The following GALNT13 variants were observed in gnomAD, a reference collection of about 807,000 sequenced individuals.
The protein encoded by GALNT13 is polypeptide N-acetylgalactosaminyltransferase 13, also known as UDP-GalNAc:polypeptide N-acetylgalactosaminyltransferase 13.
A neutral mutation model predicts 64.2 loss-of-function variants in GALNT13; 28 were observed. The ratio of observed to expected loss-of-function variants is 0.44; its 90% CI spans 0.32 to 0.60. The LOEUF (loss-of-function observed/expected upper bound fraction) is 0.60. Ranked by LOEUF, GALNT13 falls within the 20% of genes least tolerant of loss-of-function variation. The pLI is 0.05. For synonymous variants in GALNT13, 214 were observed against 224.6 expected, an observed-to-expected ratio of 0.95 and a Z score of 0.42; for missense variants, 577 against 669.8, an observed-to-expected ratio of 0.86 and a Z score of 1.53.
intron 12 of GALNT13, chr2:154,445,948 G>T: frequency 1.9e-6 from 1 of 528,612 alleles, no homozygotes; most frequent in Non-Finnish European, 3.3e-6. Flanking sequence ...AAAATTGTTT[G>T]GAGAATTAGA....
At chr2:153,566,103 A>C in the GALNT13 span, among the ~76,000 whole-genome samples, 1 of 152,152 alleles carries the variant, frequency 6.6e-6, no homozygotes, top group Non-Finnish European at 1.5e-5. Context: ...GAAACAACTT[A>C]GAAGGCATGA....
chr2:154,322,395 C>T (rs539648230), intron 9 of GALNT13, among the ~76,000 whole-genome samples: 1 of 152,050 alleles, frequency 6.6e-6, no homozygotes, highest in Admixed American at 6.6e-5. Context: ...GCATCTTCCT[C>T]TGACTCTGGC....
chr2:153,822,144 C>T, the GALNT13 span, among the ~76,000 whole-genome samples: 1 of 152,154 alleles, frequency 6.6e-6, no homozygotes, highest in African/African-American at 2.4e-5. Flanking sequence ...CAGCCAAATT[C>T]TATCAGACAT....
chr2:153,389,929 T>C, the GALNT13 span, among the ~76,000 whole-genome samples: 7 of 152,050 alleles, frequency 4.6e-5, no homozygotes, highest in Non-Finnish European at 1.0e-4. Context: ...TTAAGAATAA[T>C]AGTGTTTATG....
the GALNT13 span, among the ~76,000 whole-genome samples, chr2:153,698,435 T>A: frequency 6.6e-6 from 1 of 151,668 alleles, no homozygotes; most frequent in Non-Finnish European, 1.5e-5. Flanking sequence ...AAAAAAGGCG[T>A]CACAATCCTA....
intron 3 of GALNT13, among the ~76,000 whole-genome samples, chr2:153,960,718 T>G (rs1692884022): frequency 6.6e-6 from 1 of 152,194 alleles, no homozygotes; most frequent in Non-Finnish European, 1.5e-5. Context: ...CTGGCCTTTT[T>G]AAGCTGGTCT....
chr2:153,206,151 A>G, the GALNT13 span, among the ~76,000 whole-genome samples: 1 of 152,110 alleles, frequency 6.6e-6, no homozygotes, highest in Non-Finnish European at 1.5e-5. Context: ...TGGTACTATA[A>G]TAAGGAACTA....
chr2:153,359,372 G>C, the GALNT13 span, among the ~76,000 whole-genome samples: 2 of 152,026 alleles, frequency 1.3e-5, no homozygotes, highest in African/African-American at 4.8e-5. Flanking sequence ...TTTTGTCAAA[G>C]TGATTTATAT....
At chr2:153,612,080 C>T in the GALNT13 span, among the ~76,000 whole-genome samples, 1 of 152,092 alleles carries the variant, frequency 6.6e-6, no homozygotes, top group African/African-American at 2.4e-5. Context: ...TGTATATGTG[C>T]CACATTTTCT....
At chr2:154,288,570 G>T (rs533812253) in intron 8 of GALNT13, among the ~76,000 whole-genome samples, 1 of 152,126 alleles carries the variant, frequency 6.6e-6, no homozygotes, top group Admixed American at 6.5e-5. Context: ...AATACAATGG[G>T]GGTACAGTCA....
the GALNT13 span, among the ~76,000 whole-genome samples, chr2:153,767,156 A>T: frequency 6.6e-6 from 1 of 152,086 alleles, no homozygotes; most frequent in Non-Finnish European, 1.5e-5. Flanking sequence ...CTATCTATCC[A>T]TGTATACCCA....
At chr2:153,270,498 A>G in the GALNT13 span, among the ~76,000 whole-genome samples, 6 of 152,146 alleles carry the variant, frequency 3.9e-5, no homozygotes, top group East Asian at 1.9e-4. Context: ...CGCACCTCCT[A>G]TATGTAGTGT....
chr2:153,980,532 A>G (rs1264218707), intron 3 of GALNT13, among the ~76,000 whole-genome samples: 1 of 152,080 alleles, frequency 6.6e-6, no homozygotes, highest in Non-Finnish European at 1.5e-5. Context: ...ATTGTTTATG[A>G]GGTGTCGCGT....
the GALNT13 span, among the ~76,000 whole-genome samples, chr2:153,379,592 A>G: frequency 6.6e-6 from 1 of 152,196 alleles, no homozygotes; most frequent in African/African-American, 2.4e-5. Flanking sequence ...CATCAAGGAT[A>G]TGTAAGATAA....
intron 4 of GALNT13, among the ~76,000 whole-genome samples, chr2:154,237,704 AATTAGC>A (rs1349323845): frequency 6.6e-6 from 1 of 151,546 alleles, no homozygotes; most frequent in Non-Finnish European, 1.5e-5. Context: ...ATGTGTCTGA[AATTAGC>A]ATGAGTTTTT....
At chr2:153,893,527 T>C (rs1014021439) in intron 1 of GALNT13, among the ~76,000 whole-genome samples, 1 of 152,096 alleles carries the variant, frequency 6.6e-6, no homozygotes, top group Non-Finnish European at 1.5e-5. Flanking sequence ...CATTTCACTG[T>C]ATAGTGAATT....
At chr2:154,075,572 G>A (rs1700945973) in intron 3 of GALNT13, among the ~76,000 whole-genome samples, 1 of 151,704 alleles carries the variant, frequency 6.6e-6, no homozygotes, top group Admixed American at 6.6e-5. Flanking sequence ...TCAACATTTT[G>A]TTATCGTAAA....
the GALNT13 span, among the ~76,000 whole-genome samples, chr2:153,343,250 T>G: frequency 1.3e-5 from 2 of 152,340 alleles, no homozygotes; most frequent in South Asian, 4.1e-4. Flanking sequence ...CTAGTGCTTT[T>G]CTGTATTACC....
At chr2:153,493,630 T>G in the GALNT13 span, among the ~76,000 whole-genome samples, 3 of 151,728 alleles carry the variant, frequency 2.0e-5, no homozygotes, top group African/African-American at 7.3e-5. Flanking sequence ...ATTCTCCAAC[T>G]CATTATATAA....
Sources: gnomAD v4.1 joint callset for allele counts (sites outside exome capture counted in the v4.1 genomes callset) on GRCh38, gnomAD v4.1.1 for gene constraint, MANE v1.5 for transcripts, NCBI Gene and HGNC (gene_info 2026-07-23, HGNC 2026-07-21) for gene names.